Variants in HSPG2 observed in about 807,000 individuals in gnomAD.
HSPG2 encodes the protein basement membrane-specific heparan sulfate proteoglycan core protein.
HSPG2 carries 278 observed loss-of-function variants against 526.6 expected under a neutral mutation model. The ratio of observed to expected loss-of-function variants is 0.53; its 90% CI spans 0.48 to 0.58. The LOEUF (loss-of-function observed/expected upper bound fraction) is 0.58, where lower values mean the gene tolerates loss of function less well. Among genes scored for constraint, HSPG2 ranks in the 20% least tolerant of loss-of-function variants. The pLI is 0.00. For synonymous variants in HSPG2, 2,465 were observed against 2,555.4 expected, an observed-to-expected ratio of 0.96 and a Z score of 1.07; for missense variants, 5,354 against 6,099.5, an observed-to-expected ratio of 0.88 and a Z score of 4.07.
chr1:21,882,971 G>A (rs549296864), intron 13 of HSPG2, among the ~76,000 whole-genome samples: 5 of 152,122 alleles, frequency 3.3e-5, no homozygotes, highest in South Asian at 4.2e-4. Flanking sequence ...CCTGCCTTCC[G>A]GGGATGTCTT....
rs373732798 is a variant in HSPG2, at chr1:21,878,437, G to A, written c.2613C>T (p.Pro871=). ...GATGGTGGCAGCCATACTCACTGACGGGCCTGCACTTCCCGCCGGGCTGGA... is the reference window on the plus strand; with the variant it reads ...GATGGTGGCAGCCATACTCACTGACAGGCCTGCACTTCCCGCCGGGCTGGA... ...NPIQPGGKCR[P]VNQEIVRCDE... The change falls in exon 20 of 97, where the codon CCC becomes CCT. Residue 871 remains proline (P), a synonymous_variant. Coordinates refer to ENST00000374695, the MANE Select transcript of HSPG2 (RefSeq NM_005529.7). The A allele has an allele frequency of 1.2e-5, 20 of 1,604,374 alleles. No homozygotes were observed. The East Asian group carries it at 2.5e-4, about 20-fold the overall frequency.
chr1:21,837,158 T>C (rs2098029790), intron 74 of HSPG2, 152 bp from the exon 75 acceptor site: 1 of 734,516 alleles, frequency 1.4e-6, no homozygotes, highest in Non-Finnish European at 2.4e-6. Context: ...CAGTGGCAGA[T>C]TCATTCATCT....
intron 2 of HSPG2, 78 bp from the exon 3 acceptor site, chr1:21,896,044 G>A (rs986650032): frequency 1.1e-5 from 18 of 1,583,062 alleles, no homozygotes; most frequent in Admixed American, 1.7e-5. Context: ...ACTGTTCTGG[G>A]CACCTAGTAT....
At position 21,829,538 on chromosome 1, in the gene HSPG2, T is replaced by C. The variant is rs767185055; in HGVS notation, c.11837A>G (p.Asn3946Ser). The change falls in exon 87 of 97, where the codon AAC (asparagine) becomes AGC (serine). Residue 3946 changes from asparagine (N) to serine (S), a missense_variant. Transcript: ENST00000374695. The stretch of plus-strand genomic sequence containing the variant: ...GTCCAGGCGTAGCTCGTGGTGTGTG[T>C]TGGTGAGGGCGGGCAGTGCCAGGTA... ...GSYLALPALT[N>S]THHELRLDVE... The C allele has an allele frequency of 1.2e-6, 2 of 1,612,808 alleles. No homozygotes were observed. The highest frequency in any genetic ancestry group is 1.3e-5 in the African/African-American group (1 of 74,916).
rs1640939496 is a variant in HSPG2, at chr1:21,875,020, C to T, written c.3303-18G>A. ...CAGAGACCCTGGGCGTGACAAGACC[C>T]AGCGTGAATAGGAGTGCTGGCTCTG... On this transcript the variant is annotated intron_variant, in intron 25 of 96. Coordinates refer to ENST00000374695, the MANE Select transcript of HSPG2 (RefSeq NM_005529.7). 1.3e-6 allele frequency: 2 copies of T among 1,555,840 alleles called. No individual in the cohort carries two copies. The highest frequency in any genetic ancestry group is 8.8e-7 in the Non-Finnish European group (1 of 1,140,588).
At chr1:21,933,567 G>A (rs565488842) in intron 1 of HSPG2, among the ~76,000 whole-genome samples, 10 of 152,246 alleles carry the variant, frequency 6.6e-5, no homozygotes, top group South Asian at 2.1e-4. Context: ...TCTTTCCACC[G>A]TCTCCCGGGC....
intron 1 of HSPG2, among the ~76,000 whole-genome samples, chr1:21,919,425 CAAA>C (rs36109631): frequency 3.4e-5 from 4 of 118,874 alleles, no homozygotes; most frequent in African/African-American, 3.6e-5. Context: ...GACCCTGTCT[CAAA>C]AAAAAAAAAA....
intron 1 of HSPG2, among the ~76,000 whole-genome samples, chr1:21,931,469 G>A (rs369261306): frequency 6.6e-5 from 10 of 152,208 alleles, no homozygotes; most frequent in African/African-American, 1.9e-4. Flanking sequence ...GAGCAGGAGC[G>A]AGAGGAGAAA....
intron 77 of HSPG2, 71 bp from the exon 78 acceptor site, chr1:21,833,996 T>G: frequency 9.8e-7 from 1 of 1,019,046 alleles, no homozygotes; most frequent in South Asian, 1.4e-5. Context: ...TGCACCCTGA[T>G]TCATTTCATC....
rs1460738028 is a variant in HSPG2, at chr1:21,824,782, G to A, written c.12590-3C>T. ...GGCTCCGTACTGCCCAGGGGCATCT[G>A]TGGGAGAGAGGAGGGTGGTGCCATA... is the stretch of plus-strand genomic sequence containing the variant. On this transcript the variant is annotated splice_region_variant and splice_polypyrimidine_tract_variant and intron_variant, in intron 91 of 96. Transcript: ENST00000374695. This position sits in a 1 kb window ranked among gnomAD's most constrained non-coding sequence, Gnocchi z 5.9. The A allele has an allele frequency of 6.2e-7, 1 of 1,611,018 alleles. No individual in the cohort carries two copies. The highest frequency in any genetic ancestry group is 8.5e-7 in the Non-Finnish European group (1 of 1,178,730).
chr1:21,847,264 C>T lies in HSPG2; in HGVS notation c.8164+90G>A. ...TTTCCGCTGGCCCTTGCCTGAGTAC[C>T]ACCAGGTCTGAGGACTCTGACCTGA... On this transcript the variant is annotated intron_variant, in intron 62 of 96. Coordinates refer to ENST00000374695, the MANE Select transcript of HSPG2 (RefSeq NM_005529.7). The surrounding 1 kb of genome is among the most constrained non-coding windows in gnomAD (Gnocchi z 4.1). The T allele has an allele frequency of 2.1e-6, 3 of 1,453,084 alleles. No individual in the cohort carries two copies. Among genetic ancestry groups the T allele is most frequent in the Non-Finnish European group, 2.9e-6 (3 of 1,037,968 alleles). The allele number at this position is 1,453,084 out of a possible 1,614,324, so 90.0% of individuals were successfully genotyped here. A position where few individuals can be genotyped will look rare whatever the true frequency, so the allele number is the denominator to read the frequency against.
chr1:21,850,460 G>C lies in HSPG2; in HGVS notation c.7197C>G (p.Pro2399=). The C allele has an allele frequency of 1.9e-6, 3 of 1,612,158 alleles. No homozygotes were observed. Among genetic ancestry groups the C allele is most frequent in the Non-Finnish European group, 2.5e-6 (3 of 1,179,436 alleles). Reference sequence around the variant, plus strand: ...GGCACACGTACTCGCCCGAGTCGGCGGGGGACGCTTGGTAGAGTCTCAGCA... The same window carrying C: ...GGCACACGTACTCGCCCGAGTCGGCCGGGGACGCTTGGTAGAGTCTCAGCA... ...GSLLRLYQAS[P]ADSGEYVCRV... The change falls in exon 56 of 97, where the codon CCC becomes CCG. Residue 2399 remains proline (P), a synonymous_variant. Coordinates refer to ENST00000374695, the MANE Select transcript of HSPG2 (RefSeq NM_005529.7).
Position 21,833,316 on chromosome 1 carries a change from A to T in HSPG2, c.11047T>A (p.Tyr3683Asn). The change falls in exon 80 of 97, where the codon TAC becomes AAC. Residue 3683 changes from tyrosine (Y) to asparagine (N), a missense_variant. Physicochemically the swap from Tyr to Asn is moderately radical, Grantham distance 143. Coordinates refer to ENST00000374695, the MANE Select transcript of HSPG2 (RefSeq NM_005529.7). ...FLPLPTIKDA[Y>N]RKFEIKITFR... Reference sequence around the variant, plus strand: ...GTGATCTTGATCTCGAACTTCCTGTAGGCATCCTTGATGGTGGGCAGCGGT... The same window carrying T: ...GTGATCTTGATCTCGAACTTCCTGTTGGCATCCTTGATGGTGGGCAGCGGT... 6.2e-7 allele frequency: 1 copy of T among 1,614,100 alleles called. No homozygotes were observed. Among genetic ancestry groups the T allele is most frequent in the Non-Finnish European group, 8.5e-7 (1 of 1,180,008 alleles).
Position 21,828,112 on chromosome 1 carries a change from AC to A in HSPG2, c.12449del (p.Arg4150LeufsTer34). The A allele has an allele frequency of 6.2e-7, 1 of 1,608,428 alleles. No homozygotes were observed. Among genetic ancestry groups the A allele is most frequent in the South Asian group, 1.1e-5 (1 of 90,924 alleles). On this transcript the variant is annotated frameshift_variant, in exon 90 of 97. Coordinates refer to ENST00000374695, the MANE Select transcript of HSPG2 (RefSeq NM_005529.7). LOFTEE classifies it high-confidence loss of function. This position sits in a 1 kb window ranked among gnomAD's most constrained non-coding sequence, Gnocchi z 6.0. Reference sequence around the variant, plus strand: ...AGGTGCCCCCATGCAGACAGGGTTCACGGAGCTGGCAGGGGTTCTCCTCGTG... The same window carrying A: ...AGGTGCCCCCATGCAGACAGGGTTCAGGAGCTGGCAGGGGTTCTCCTCGTG... ...CEHEENPCQL[R>X]EPCLHGGTCQ...
intron 71 of HSPG2, 88 bp from the exon 72 acceptor site, chr1:21,840,105 C>T: frequency 2.0e-6 from 2 of 992,510 alleles, no homozygotes; most frequent in Admixed American, 1.7e-5. Flanking sequence ...TCCCTATTTC[C>T]TCTACCCTGC....
Position 21,859,552 on chromosome 1 carries a change from G to A in HSPG2, c.5293+14C>T. ...GGACAGGCAGTCTTGGTTACAGGGGGCGTAGGGACTCACCAGTGACCAGCA... is the reference window on the plus strand; with the variant it reads ...GGACAGGCAGTCTTGGTTACAGGGGACGTAGGGACTCACCAGTGACCAGCA... On this transcript the variant is annotated intron_variant, in intron 42 of 96. Coordinates refer to ENST00000374695, the MANE Select transcript of HSPG2 (RefSeq NM_005529.7). This position sits in a 1 kb window ranked among gnomAD's most constrained non-coding sequence, Gnocchi z 5.3. 4 of 1,560,184 alleles carry A rather than the reference G, an allele frequency of 2.6e-6. No individual in the cohort carries two copies. The highest frequency in any genetic ancestry group is 1.2e-5 in the South Asian group (1 of 85,578).
rs1638995645 is a variant in HSPG2, at chr1:21,852,695, C to CA, written c.6724+4_6724+5insT. 2 of 1,613,256 alleles carry CA rather than the reference C, an allele frequency of 1.2e-6. No individual in the cohort carries two copies. The highest frequency in any genetic ancestry group is 1.7e-6 in the Non-Finnish European group (2 of 1,180,038). On this transcript the variant is annotated splice_donor_region_variant and intron_variant, in intron 52 of 96. Transcript: ENST00000374695. ...CAGCTTTCCATGTCACTGGGAGTCA[C>CA]TCACCAGGGATGACAGAGGCTTCGA...
At chr1:21,835,842 G>A (rs569734523) in intron 75 of HSPG2, among the ~76,000 whole-genome samples, 3 of 152,240 alleles carry the variant, frequency 2.0e-5, no homozygotes, top group South Asian at 4.1e-4. Context: ...AAATTAGCCA[G>A]GCGTGGTGGC....
rs1640150629 is a variant in HSPG2 at position 21,865,420 on chromosome 1, G to A, written c.4315-55C>T. 4 of 1,526,708 alleles carry A rather than the reference G, an allele frequency of 2.6e-6. No homozygotes were observed. The Admixed American group carries it at 5.0e-5, about 19-fold the overall frequency. The allele number at this position is 1,526,708 out of a possible 1,614,324, so 94.6% of individuals were successfully genotyped here. On this transcript the variant is annotated intron_variant, in intron 34 of 96. Coordinates refer to ENST00000374695, the MANE Select transcript of HSPG2 (RefSeq NM_005529.7). The surrounding 1 kb of genome is among the most constrained non-coding windows in gnomAD (Gnocchi z 5.4). ...GAGCCGAGGGGTCCCTGGGGTGCCAGGGTGTCCTCCACCAGTCCTAGATTC... is the reference window on the plus strand; with the variant it reads ...GAGCCGAGGGGTCCCTGGGGTGCCAAGGTGTCCTCCACCAGTCCTAGATTC...
Sources: allele counts gnomAD v4.1 joint callset (sites outside exome capture counted in the v4.1 genomes callset), GRCh38; gene constraint gnomAD v4.1.1; non-coding constraint Gnocchi (gnomAD v3.1); transcripts MANE v1.5; gene names NCBI Gene and HGNC (gene_info 2026-07-23, HGNC 2026-07-21).